Variants in STK39 observed in about 807,000 individuals in gnomAD.
STK39 encodes the protein STE20/SPS1-related proline-alanine-rich protein kinase.
A neutral mutation model predicts 77.8 loss-of-function variants in STK39; 20 were observed. The ratio of observed to expected loss-of-function variants is 0.26; its 90% confidence interval spans 0.18 to 0.37. STK39 has a LOEUF of 0.37. Among genes scored for constraint, STK39 ranks in the 10% least tolerant of loss-of-function variants. The pLI, the probability that STK39 is intolerant of heterozygous loss-of-function variation, is 1.00. For missense variants in STK39, 479 were observed against 656.5 expected (o/e 0.73, Z 2.95); for synonymous variants, 246 against 234.1 (o/e 1.05, Z -0.47).
chr2:167,966,942 G>C (rs1258615126), intron 16 of STK39, among the ~76,000 whole-genome samples: 1 of 152,124 alleles, frequency 6.6e-6, no homozygotes, highest in African/African-American at 2.4e-5. Flanking sequence ...TTCTTTTCCA[G>C]TAGCAATGCT....
At chr2:167,978,297 G>C (rs541598812) in intron 16 of STK39, among the ~76,000 whole-genome samples, 1 of 151,974 alleles carries the variant, frequency 6.6e-6, no homozygotes, top group Non-Finnish European at 1.5e-5. Context: ...TGGGAGGTGC[G>C]GGGGAGAGGG....
Position 168,145,564 on chromosome 2 carries a change from A to G in STK39, c.629-4806T>C, listed in dbSNP as rs185206748. 1.9e-3 allele frequency among the ~76,000 whole-genome samples: 291 copies of G among 152,322 alleles called. 1 individual carries two copies. Among genetic ancestry groups the G allele is most frequent in the Non-Finnish European group, 3.3e-3 (222 of 68,022 alleles). On this transcript the variant is annotated intron_variant, in intron 5 of 17. Coordinates refer to ENST00000355999, the MANE Select transcript of STK39 (RefSeq NM_013233.3). The stretch of plus-strand genomic sequence containing the variant: ...ATGAAAAAGCTCCCTTTCTTACTGT[A>G]GTTGGCAACAAATTCATTTTTAAAA...
At chr2:168,093,830 C>G (rs1686590893) in intron 10 of STK39, among the ~76,000 whole-genome samples, 1 of 152,180 alleles carries the variant, frequency 6.6e-6, no homozygotes, top group Non-Finnish European at 1.5e-5. Context: ...CACAGCTCCT[C>G]ATTTGTGGGT....
At chr2:168,039,562 G>A (rs1685048362) in intron 14 of STK39, among the ~76,000 whole-genome samples, 1 of 126,990 alleles carries the variant, frequency 7.9e-6, no homozygotes. Flanking sequence ...ACTGCAGTCC[G>A]CAGTCCGACC....
intron 10 of STK39, among the ~76,000 whole-genome samples, chr2:168,127,807 A>C (rs1687584197): frequency 6.6e-6 from 1 of 152,232 alleles, no homozygotes; most frequent in Admixed American, 6.5e-5. Context: ...GAGGGAGAAC[A>C]GTTAGAAATT....
chr2:167,967,038 C>T (rs990345113), intron 16 of STK39, among the ~76,000 whole-genome samples: 8 of 152,160 alleles, frequency 5.3e-5, no homozygotes, highest in Admixed American at 1.3e-4. Flanking sequence ...TTACCTGGAA[C>T]GTGAGCTGAG....
At chr2:168,147,978 A>G (rs899029064) in intron 5 of STK39, among the ~76,000 whole-genome samples, 7 of 152,196 alleles carry the variant, frequency 4.6e-5, no homozygotes, top group Non-Finnish European at 7.3e-5. Context: ...CCTAAAGTGC[A>G]GTTTCTGATC....
chr2:168,153,639 T>TGG (rs11340305), intron 5 of STK39, among the ~76,000 whole-genome samples: 17 of 135,238 alleles, frequency 1.3e-4, no homozygotes, highest in South Asian at 2.4e-4. Context: ...AAATATGGGG[T>TGG]GGGGGGGGGT....
intron 5 of STK39, among the ~76,000 whole-genome samples, chr2:168,147,744 A>G (rs1370465906): frequency 6.6e-6 from 1 of 152,206 alleles, no homozygotes; most frequent in Non-Finnish European, 1.5e-5. Flanking sequence ...CCTAAACAAC[A>G]TAAATACAAG....
At chr2:167,961,500 A>G (rs185735830) in intron 17 of STK39, among the ~76,000 whole-genome samples, 2 of 152,332 alleles carry the variant, frequency 1.3e-5, no homozygotes, top group East Asian at 3.9e-4. Context: ...AGATTCACCT[A>G]CTTACAAAAC....
At position 168,168,668 on chromosome 2, in the gene STK39, T is replaced by G. The variant is rs186733074; in HGVS notation, c.322-1261A>C. Among the ~76,000 whole-genome samples, 421 of 152,306 alleles carry G rather than the reference T, an allele frequency of 2.8e-3. 9 individuals carry two copies. Among genetic ancestry groups the G allele is most frequent in the Non-Finnish European group, 5.4e-4 (37 of 68,038 alleles). On this transcript the variant is annotated intron_variant, in intron 2 of 17. Transcript: ENST00000355999. Reference sequence around the variant, plus strand: ...GCCAAAATTCTGTAATATGTAACACTCATACGTTCCTTAACATATATGTTT... The same window carrying G: ...GCCAAAATTCTGTAATATGTAACACGCATACGTTCCTTAACATATATGTTT...
chr2:168,122,851 AG>A (rs1325839830), intron 10 of STK39, among the ~76,000 whole-genome samples: 1 of 152,254 alleles, frequency 6.6e-6, no homozygotes, highest in African/African-American at 2.4e-5. Flanking sequence ...CCTTGAAAAA[AG>A]ATTAATGATT....
At chr2:168,206,221 T>C (rs6737602) in intron 1 of STK39, among the ~76,000 whole-genome samples, 50,725 of 152,036 alleles carry the variant, frequency 0.33, 8,928 homozygotes, top group Non-Finnish European at 0.39. Context: ...AATTCCTACC[T>C]TTCTAGCACA....
intron 16 of STK39, among the ~76,000 whole-genome samples, chr2:167,977,746 G>T (rs1362175856): frequency 6.6e-6 from 1 of 152,154 alleles, no homozygotes; most frequent in African/African-American, 2.4e-5. Flanking sequence ...TGGGGAGAGG[G>T]TGTATGGCTG....
At chr2:168,172,798 C>T (rs1310519631) in intron 2 of STK39, among the ~76,000 whole-genome samples, 15 of 152,196 alleles carry the variant, frequency 9.9e-5, no homozygotes, top group Admixed American at 9.8e-4. Context: ...ATATCCTACT[C>T]AAGTACTTAG....
intron 5 of STK39, among the ~76,000 whole-genome samples, chr2:168,158,035 C>G (rs1329019020): frequency 6.6e-6 from 1 of 152,174 alleles, no homozygotes; most frequent in Non-Finnish European, 1.5e-5. Flanking sequence ...TCTGGACAAA[C>G]AGGCTTAGTC....
chr2:168,030,327 G>A (rs974560223), intron 14 of STK39, among the ~76,000 whole-genome samples: 1 of 152,094 alleles, frequency 6.6e-6, no homozygotes, highest in African/African-American at 2.4e-5. Context: ...AGATGTGTGT[G>A]ATTAATCAAG....
intron 8 of STK39, among the ~76,000 whole-genome samples, chr2:168,134,512 CAA>C (rs34222654): frequency 6.6e-4 from 85 of 128,358 alleles, no homozygotes; most frequent in Non-Finnish European, 6.1e-4. Context: ...CCCCTTGTTG[CAA>C]AAAAAAAAAA....
intron 2 of STK39, among the ~76,000 whole-genome samples, chr2:168,174,950 A>G (rs750350774): frequency 1.3e-5 from 2 of 151,898 alleles, no homozygotes; most frequent in African/African-American, 4.8e-5. Flanking sequence ...CTGCTGCTGT[A>G]TTTGGGTTCA....
Sources: gnomAD v4.1 joint callset for allele counts (sites outside exome capture counted in the v4.1 genomes callset) on GRCh38, gnomAD v4.1.1 for gene constraint, MANE v1.5 for transcripts, NCBI Gene and HGNC (gene_info 2026-07-23, HGNC 2026-07-21) for gene names.